Variants in CNTNAP5 observed in about 807,000 individuals in gnomAD.
The protein encoded by CNTNAP5 is contactin associated protein family member 5, also known as contactin-associated protein-like 5.
Under a neutral mutation model 150.2 loss-of-function variants are expected in CNTNAP5, and 72 were observed. The observed-to-expected ratio is 0.48, with a 90% confidence interval of 0.40 to 0.58. The LOEUF is 0.58. Among genes scored for constraint, CNTNAP5 ranks in the 20% least tolerant of loss-of-function variants. CNTNAP5 has a pLI of 0.00. For synonymous variants in CNTNAP5, 672 were observed against 619.8 expected, an observed-to-expected ratio of 1.08 and a Z score of -1.25; for missense variants, 1,636 against 1,626.2, an observed-to-expected ratio of 1.01 and a Z score of -0.10.
chr2:124,863,710 G>A (rs191023001), intron 19 of CNTNAP5, among the ~76,000 whole-genome samples: 2 of 152,090 alleles, frequency 1.3e-5, no homozygotes, highest in Non-Finnish European at 2.9e-5. Flanking sequence ...TGAGGACTGG[G>A]GATCAGTCAG....
At chr2:124,306,028 C>G (rs1336173964) in intron 3 of CNTNAP5, among the ~76,000 whole-genome samples, 1 of 152,140 alleles carries the variant, frequency 6.6e-6, no homozygotes, top group Non-Finnish European at 1.5e-5. Context: ...TTGCACTCTT[C>G]CTGCTTCTGG....
At chr2:124,233,997 G>GTA (rs1402359240) in intron 2 of CNTNAP5, among the ~76,000 whole-genome samples, 1 of 152,140 alleles carries the variant, frequency 6.6e-6, no homozygotes, top group Non-Finnish European at 1.5e-5. Flanking sequence ...TGTGCATAAA[G>GTA]TATATACTGC....
intron 10 of CNTNAP5, among the ~76,000 whole-genome samples, chr2:124,557,836 A>G (rs1205965752): frequency 6.6e-6 from 1 of 152,090 alleles, no homozygotes; most frequent in Non-Finnish European, 1.5e-5. Flanking sequence ...ACATCTGGGG[A>G]AAAATGCTTT....
chr2:124,913,549 A>C (rs926647393), intron 23 of CNTNAP5, among the ~76,000 whole-genome samples: 13 of 152,230 alleles, frequency 8.5e-5, no homozygotes, highest in Admixed American at 2.6e-4. Context: ...AGAGCAGTGT[A>C]AAAATGTTCT....
At chr2:124,116,633 T>G (rs1483325905) in intron 1 of CNTNAP5, among the ~76,000 whole-genome samples, 1 of 152,200 alleles carries the variant, frequency 6.6e-6, no homozygotes, top group African/African-American at 2.4e-5. Flanking sequence ...AACTCTTCCA[T>G]TTTTACATAA....
chr2:124,102,798 G>A (rs568468537), intron 1 of CNTNAP5, among the ~76,000 whole-genome samples: 1 of 152,276 alleles, frequency 6.6e-6, no homozygotes, highest in South Asian at 2.1e-4. Context: ...GCCTCACAGC[G>A]ATGTTGTGAG....
chr2:124,451,079 C>CACACAT (rs1553469349), intron 6 of CNTNAP5, among the ~76,000 whole-genome samples: 1,217 of 94,842 alleles, frequency 0.013, 24 homozygotes, highest in African/African-American at 0.038. Context: ...TATATATATA[C>CACACAT]ACACACACAC....
At chr2:124,912,895 G>C (rs531051764) in intron 23 of CNTNAP5, among the ~76,000 whole-genome samples, 1 of 152,092 alleles carries the variant, frequency 6.6e-6, no homozygotes, top group South Asian at 2.1e-4. Context: ...CCACTCATGG[G>C]AATCACTCAC....
In CNTNAP5 at chr2:124,343,672, T is replaced by C. The variant is rs147947367; in HGVS notation, c.382-73771T>C. Among the ~76,000 whole-genome samples the C allele has an allele frequency of 7.3e-4, 111 of 152,282 alleles. 1 individual carries two copies. Among genetic ancestry groups the C allele is most frequent in the African/African-American group, 2.6e-3 (110 of 41,568 alleles). ...GAGGAGACTCAGTTTTCCTAAGTAA[T>C]CAAAAGACCTAACATGACAGTATAA... On this transcript the variant is annotated intron_variant, in intron 3 of 23. Transcript: ENST00000682447.
At chr2:124,743,874 G>T (rs1365695781) in intron 13 of CNTNAP5, among the ~76,000 whole-genome samples, 1 of 152,076 alleles carries the variant, frequency 6.6e-6, no homozygotes, top group Admixed American at 6.6e-5. Flanking sequence ...CTAAAAAAAT[G>T]CCCTGATTTG....
intron 1 of CNTNAP5, among the ~76,000 whole-genome samples, chr2:124,078,504 TA>T (rs1682489120): frequency 6.6e-6 from 1 of 152,190 alleles, no homozygotes; most frequent in Non-Finnish European, 1.5e-5. Context: ...GGTATGATAT[TA>T]GCTCTTAATT....
At chr2:124,738,029 A>G (rs1313252273) in intron 13 of CNTNAP5, among the ~76,000 whole-genome samples, 1 of 152,124 alleles carries the variant, frequency 6.6e-6, no homozygotes, top group East Asian at 1.9e-4. Context: ...AGCCAGATTT[A>G]TTGCAATTCT....
At chr2:124,558,179 T>TG (rs1449021528) in intron 10 of CNTNAP5, among the ~76,000 whole-genome samples, 1 of 152,210 alleles carries the variant, frequency 6.6e-6, no homozygotes, top group Non-Finnish European at 1.5e-5. Context: ...GCAGTTATTC[T>TG]GGTGAGTGAT....
chr2:124,405,146 G>A (rs1691537921), intron 3 of CNTNAP5, among the ~76,000 whole-genome samples: 2 of 152,180 alleles, frequency 1.3e-5, no homozygotes, highest in African/African-American at 4.8e-5. Flanking sequence ...TGATTTTGCA[G>A]TGTGTTCTTG....
At chr2:124,568,096 C>T (rs758556565) in intron 11 of CNTNAP5, among the ~76,000 whole-genome samples, 19 of 152,170 alleles carry the variant, frequency 1.2e-4, no homozygotes, top group Non-Finnish European at 2.5e-4. Context: ...TTCCTTCAAA[C>T]AAGCAAGGCA....
At chr2:124,406,600 G>A (rs1317152651) in intron 3 of CNTNAP5, among the ~76,000 whole-genome samples, 1 of 152,134 alleles carries the variant, frequency 6.6e-6, no homozygotes, top group African/African-American at 2.4e-5. Context: ...GTTATGGTGT[G>A]CATGTGATAT....
Position 124,285,640 on chromosome 2 carries a change from GA to G in CNTNAP5, c.381+43260del, listed in dbSNP as rs543856032. On this transcript the variant is annotated intron_variant, in intron 3 of 23. Coordinates refer to ENST00000682447, the MANE Select transcript of CNTNAP5 (RefSeq NM_001367498.1). ...CATGGAAAAACCCCATCCTCTGCAA[GA>G]AAAAAAAAAAAATTAGCCAGGTTTG... Among the ~76,000 whole-genome samples, 527 of 143,720 alleles carry G rather than the reference GA, an allele frequency of 3.7e-3. 1 individual carries two copies. Among genetic ancestry groups the G allele is most frequent in the African/African-American group, 9.4e-3 (367 of 39,196 alleles). The allele number at this position is 143,720 out of a possible 152,430, so 94.3% of individuals were successfully genotyped here. A position where few individuals can be genotyped will look rare whatever the true frequency, so the allele number is the denominator to read the frequency against.
intron 1 of CNTNAP5, among the ~76,000 whole-genome samples, chr2:124,040,615 A>C (rs1332593220): frequency 3.3e-5 from 3 of 89,624 alleles, no homozygotes; most frequent in Middle Eastern, 6.0e-3. Context: ...GTGCCTCTGT[A>C]TGCCTCTGTG....
At chr2:124,309,889 T>C (rs545465798) in intron 3 of CNTNAP5, among the ~76,000 whole-genome samples, 1 of 152,288 alleles carries the variant, frequency 6.6e-6, no homozygotes, top group East Asian at 1.9e-4. Flanking sequence ...AAATACATAT[T>C]TATCCTAAGG....
Sources: allele counts gnomAD v4.1 joint callset (sites outside exome capture counted in the v4.1 genomes callset), GRCh38; gene constraint gnomAD v4.1.1; transcripts MANE v1.5; gene names NCBI Gene and HGNC (gene_info 2026-07-23, HGNC 2026-07-21).